Variants in MED13L observed in about 807,000 individuals in gnomAD.
The protein encoded by MED13L is mediator of RNA polymerase II transcription subunit 13-like.
In MED13L, 7 loss-of-function variants were observed where a neutral mutation model predicts 220.9. The ratio of observed to expected loss-of-function variants is 0.03; its 90% CI spans 0.02 to 0.06. MED13L has a LOEUF of 0.06. Among genes scored for constraint, MED13L ranks in the 10% least tolerant of loss-of-function variants. The pLI, the probability that MED13L is intolerant of heterozygous loss-of-function variation, is 1.00. For synonymous variants in MED13L, 1,011 were observed against 1,015.2 expected (o/e 1.00, Z 0.08); for missense variants, 1,965 against 2,760.5 (o/e 0.71, Z 6.46).
intron 4 of MED13L, among the ~76,000 whole-genome samples, chr12:116,053,399 G>C (rs1275563562): frequency 6.6e-6 from 1 of 152,186 alleles, no homozygotes; most frequent in Non-Finnish European, 1.5e-5. Context: ...AGAGAATCAA[G>C]AGGCACTGTG....
chr12:115,999,715 T>C (rs1878627940), intron 14 of MED13L, among the ~76,000 whole-genome samples: 1 of 152,216 alleles, frequency 6.6e-6, no homozygotes, highest in South Asian at 2.1e-4. Flanking sequence ...AATTTGTTTT[T>C]ACATTTCCTG....
intron 2 of MED13L, among the ~76,000 whole-genome samples, chr12:116,130,853 A>C (rs63247961): frequency 1.2e-4 from 2 of 16,734 alleles, no homozygotes; most frequent in African/African-American, 1.2e-3. Flanking sequence ...TAAGCCATTT[A>C]AAAAAAAAAA....
chr12:116,096,930 T>C (rs1044885089), intron 3 of MED13L, among the ~76,000 whole-genome samples, 178 bp from the exon 4 acceptor site: 5 of 152,198 alleles, frequency 3.3e-5, no homozygotes, highest in African/African-American at 1.2e-4. Context: ...TCTGGGACAC[T>C]GGGCACAGAT....
chr12:115,959,282 T>A lies in MED13L; in HGVS notation c.*1984A>T, dbSNP rs897205091. 14 of 152,518 alleles carry A rather than the reference T, an allele frequency of 9.2e-5. No individual in the cohort carries two copies. The highest frequency in any genetic ancestry group is 2.1e-4 in the South Asian group (1 of 4,834). 9.4% of individuals were successfully genotyped at this position (152,518 alleles called of 1,614,324 possible). A position where few individuals can be genotyped will look rare whatever the true frequency, so the allele number is the denominator to read the frequency against. ...AACTACCCTTTGCTGCCATTTTTTTTAAAGTTTTTTTGTAGGGGTTTTTTA... is the reference window on the plus strand; with the variant it reads ...AACTACCCTTTGCTGCCATTTTTTTAAAAGTTTTTTTGTAGGGGTTTTTTA... On this transcript the variant is annotated 3_prime_UTR_variant, in exon 31 of 31. Transcript: ENST00000281928.
At chr12:116,180,126 G>A (rs1880411592) in intron 2 of MED13L, among the ~76,000 whole-genome samples, 1 of 152,264 alleles carries the variant, frequency 6.6e-6, no homozygotes, top group South Asian at 2.1e-4. Context: ...GTGGCTCGAC[G>A]ACACTGTCTT....
At chr12:116,104,123 G>A (rs926456420) in intron 3 of MED13L, among the ~76,000 whole-genome samples, 4 of 144,054 alleles carry the variant, frequency 2.8e-5, no homozygotes, top group African/African-American at 1.0e-4. Flanking sequence ...TGATTCTCCT[G>A]CCTCAGTCTC....
At position 115,996,639 on chromosome 12, in the gene MED13L, C is replaced by T. The variant is rs949707174; in HGVS notation, c.2833G>A (p.Val945Met). ...VHKVPSFQPF[V>M]GSSMFAPLKM... is the part of the protein sequence containing the mutation. ...AGTGGAGCAAACATGGAGGATCCCACAAAAGGTTGAAAGGATGGAACTTTG... is the reference window on the plus strand; with the variant it reads ...AGTGGAGCAAACATGGAGGATCCCATAAAAGGTTGAAAGGATGGAACTTTG... The change falls in exon 16 of 31, where the codon GTG (valine) becomes ATG (methionine). Residue 945 changes from valine to methionine, a missense_variant. Physicochemically the swap from Val to Met is conservative, Grantham distance 21. This residue lies in a region of MED13L where 233 missense variants were observed against 306.2 expected (regional missense o/e 0.76). Transcript: ENST00000281928. 1 of 1,613,896 alleles carries T rather than the reference C, an allele frequency of 6.2e-7. No individual in the cohort carries two copies. Among genetic ancestry groups the T allele is most frequent in the African/African-American group, 1.3e-5 (1 of 74,872 alleles).
chr12:116,265,712 C>A (rs1381993583), intron 1 of MED13L, among the ~76,000 whole-genome samples: 1 of 152,158 alleles, frequency 6.6e-6, no homozygotes, highest in East Asian at 1.9e-4. Flanking sequence ...AAATTTTCCA[C>A]CTAATAAAAA....
chr12:116,103,913 T>C (rs1873311674), intron 3 of MED13L, among the ~76,000 whole-genome samples: 1 of 152,060 alleles, frequency 6.6e-6, no homozygotes, highest in Non-Finnish European at 1.5e-5. Flanking sequence ...CATCACGATT[T>C]CTTCAACTAG....
At chr12:116,066,699 T>C (rs192012539) in intron 4 of MED13L, among the ~76,000 whole-genome samples, 2 of 152,138 alleles carry the variant, frequency 1.3e-5, no homozygotes, top group East Asian at 3.9e-4. Flanking sequence ...TAAGAGTTTT[T>C]ATCTGTAACA....
In MED13L at chr12:116,213,789, A is replaced by T. The variant is rs1365548099; in HGVS notation, c.310+23679T>A. 2.0e-5 allele frequency among the ~76,000 whole-genome samples: 3 copies of T among 152,198 alleles called. No individual in the cohort carries two copies. In the East Asian group the frequency reaches 5.8e-4, roughly 29 times the overall value. ...TCTGAGGCTTCTAATTTACCTACAC[A>T]TACTGATCACTACCAAATATGGAAT... is the stretch of plus-strand genomic sequence containing the variant. On this transcript the variant is annotated intron_variant, in intron 2 of 30. Coordinates refer to ENST00000281928, the MANE Select transcript of MED13L (RefSeq NM_015335.5).
chr12:116,119,534 T>C (rs778074325), intron 2 of MED13L, among the ~76,000 whole-genome samples: 141 of 152,214 alleles, frequency 9.3e-4, no homozygotes, highest in Non-Finnish European at 1.8e-3. Context: ...CTCCATTTTA[T>C]ACATGAGAAA....
At chr12:116,180,564 C>T (rs773411382) in intron 2 of MED13L, among the ~76,000 whole-genome samples, 1 of 152,076 alleles carries the variant, frequency 6.6e-6, no homozygotes, top group Non-Finnish European at 1.5e-5. Context: ...TGGTCCCAAG[C>T]GTTTCAAATA....
chr12:116,015,069 G>A, intron 8 of MED13L, 40 bp downstream of exon 8: 2 of 1,584,502 alleles, frequency 1.3e-6, no homozygotes, highest in African/African-American at 1.3e-5. Flanking sequence ...CAAGGAGATG[G>A]TTACTAAACT....
At chr12:116,223,968 C>T (rs1868698523) in intron 2 of MED13L, among the ~76,000 whole-genome samples, 1 of 152,156 alleles carries the variant, frequency 6.6e-6, no homozygotes, top group South Asian at 2.1e-4. Flanking sequence ...TAAATCTGCT[C>T]ACTGGTTTAT....
At chr12:116,115,736 T>C (rs1874456163) in intron 2 of MED13L, among the ~76,000 whole-genome samples, 1 of 151,922 alleles carries the variant, frequency 6.6e-6, no homozygotes, top group Admixed American at 6.6e-5. Context: ...ACTAGATGAA[T>C]AGCAAATAAG....
chr12:116,059,868 C>A (rs112459412), intron 4 of MED13L, among the ~76,000 whole-genome samples: 170 of 151,894 alleles, frequency 1.1e-3, no homozygotes, highest in Middle Eastern at 0.01. Context: ...AAAGGAGGCA[C>A]GGAGAAAAAG....
intron 4 of MED13L, among the ~76,000 whole-genome samples, chr12:116,058,255 T>C (rs1338505601): frequency 6.6e-6 from 1 of 152,218 alleles, no homozygotes; most frequent in Non-Finnish European, 1.5e-5. Flanking sequence ...CCATTCCTTT[T>C]AAGGCACACA....
At chr12:116,115,108 A>C (rs1874396683) in intron 2 of MED13L, among the ~76,000 whole-genome samples, 2 of 152,176 alleles carry the variant, frequency 1.3e-5, no homozygotes, top group South Asian at 4.1e-4. Flanking sequence ...CCACCAGAAC[A>C]ATGTGGTAAA....
Sources: allele counts gnomAD v4.1 joint callset (sites outside exome capture counted in the v4.1 genomes callset), GRCh38; gene constraint gnomAD v4.1.1; regional missense constraint gnomAD v4.1.1; transcripts MANE v1.5; gene names NCBI Gene and HGNC (gene_info 2026-07-23, HGNC 2026-07-21).